The following MTBP variants were observed in gnomAD, a reference collection of about 807,000 sequenced individuals.
MTBP encodes the protein mdm2-binding protein.
In MTBP, 101 loss-of-function variants were observed where a neutral mutation model predicts 117.0. The ratio of observed to expected loss-of-function variants is 0.86; its 90% CI spans 0.73 to 1.02. The LOEUF is 1.02. Among genes scored for constraint, MTBP ranks in the 50% least tolerant of loss-of-function variants. The probability of loss-of-function intolerance (pLI) is 0.00; values close to 1 mark genes in which losing one functional copy is unlikely to be tolerated. For missense variants in MTBP, 970 were observed against 1,030.9 expected, an observed-to-expected ratio of 0.94 and a Z score of 0.81; for synonymous variants, 350 against 351.5, an observed-to-expected ratio of 1.00 and a Z score of 0.05.
chr8:120,496,619 C>A (rs1433669098), intron 13 of MTBP, among the ~76,000 whole-genome samples: 2 of 151,892 alleles, frequency 1.3e-5, no homozygotes, highest in African/African-American at 2.4e-5. Context: ...AGCTTGGAGT[C>A]CAACCTTTCA....
At chr8:120,445,904 T>C (rs1000643060) in intron 1 of MTBP, among the ~76,000 whole-genome samples, 5 of 152,218 alleles carry the variant, frequency 3.3e-5, no homozygotes, top group Non-Finnish European at 5.9e-5. Flanking sequence ...TGCTCCTGTG[T>C]TTCACATGCA....
rs1349348738 is a variant in MTBP, at chr8:120,518,710, A to G, written c.2503A>G (p.Lys835Glu). 1.9e-6 allele frequency: 3 copies of G among 1,601,914 alleles called. No homozygotes were observed. Among genetic ancestry groups the G allele is most frequent in the East Asian group, 4.5e-5 (2 of 44,732 alleles). The change falls in exon 20 of 22, where the codon AAA becomes GAA. Residue 835 changes from lysine (K) to glutamate (E), a missense_variant. Coordinates refer to ENST00000305949, the MANE Select transcript of MTBP (RefSeq NM_022045.5). ...ATGTTATGTTCTGTTCAAGATACTG[A>G]AAGAAGTAGTTACTGAAACCCTGAA... ...SRSQKHTRIL[K>E]EVVTETLKKH...
rs71306887 is a variant in MTBP at position 120,489,044 on chromosome 8, C to CTTTTTTT, written c.1339+719_1339+725dup. ...TCATGGTGTTAGGGCAGACTGACTT[C>CTTTTTTT]TTTTTTTTTTTTTGAGACAGAGTCT... On this transcript the variant is annotated intron_variant, in intron 12 of 21. Transcript: ENST00000305949. Among the ~76,000 whole-genome samples the CTTTTTTT allele has an allele frequency of 1.7e-4, 22 of 128,084 alleles. 1 individual carries two copies. In the Middle Eastern group the frequency reaches 0.014, roughly 79 times the overall value. The allele number at this position is 128,084 out of a possible 152,430, so 84.0% of individuals were successfully genotyped here.
At chr8:120,469,283 T>A (rs1813767541) in intron 10 of MTBP, among the ~76,000 whole-genome samples, 1 of 151,946 alleles carries the variant, frequency 6.6e-6, no homozygotes, top group African/African-American at 2.4e-5. Context: ...TGACCTCAGG[T>A]GATCCACTTG....
In MTBP at chr8:120,461,267, T is replaced by C; in HGVS notation, c.977+12T>C. On this transcript the variant is annotated intron_variant, in intron 9 of 21. Transcript: ENST00000305949. ...ATTGAATTTGAGTTGTATCCTTTCA[T>C]TTACATGTTCATTTTAGATTACATT... 1 of 1,518,418 alleles carries C rather than the reference T, an allele frequency of 6.6e-7. No individual in the cohort carries two copies. 94.1% of individuals were successfully genotyped at this position (1,518,418 alleles called of 1,614,324 possible). A position where few individuals can be genotyped will look rare whatever the true frequency, so the allele number is the denominator to read the frequency against.
chr8:120,516,721 G>C (rs1250736932), intron 18 of MTBP, among the ~76,000 whole-genome samples: 1 of 152,014 alleles, frequency 6.6e-6, no homozygotes, highest in Non-Finnish European at 1.5e-5. Context: ...TCAGAAGTTA[G>C]AAGTTTATGT....
In MTBP at chr8:120,461,193, T is replaced by A; in HGVS notation, c.915T>A (p.Phe305Leu). The A allele has an allele frequency of 6.2e-7, 1 of 1,605,072 alleles. No homozygotes were observed. Among genetic ancestry groups the A allele is most frequent in the Non-Finnish European group, 8.5e-7 (1 of 1,172,520 alleles). Residue 305 changes from phenylalanine to leucine, a missense_variant, in exon 9 of 22, where the codon TTT becomes TTA. Coordinates refer to ENST00000305949, the MANE Select transcript of MTBP (RefSeq NM_022045.5). ...ATTATTATGGCCCTGCTTTAGAATT[T>A]GTGCAGATGATAAAATTATCAGATC... ...VFHYYGPALE[F>L]VQMIKLSDLP... is the part of the protein sequence containing the mutation.
intron 11 of MTBP, among the ~76,000 whole-genome samples, chr8:120,478,462 C>G (rs1813996127): frequency 1.3e-5 from 2 of 151,802 alleles, no homozygotes; most frequent in African/African-American, 4.8e-5. Context: ...AATAATTTAT[C>G]CTCATGTAGC....
intron 6 of MTBP, among the ~76,000 whole-genome samples, chr8:120,455,801 G>A (rs1352488878): frequency 6.6e-6 from 1 of 151,980 alleles, no homozygotes; most frequent in Non-Finnish European, 1.5e-5. Context: ...AAATATTATT[G>A]ATGCTGTTTT....
intron 11 of MTBP, among the ~76,000 whole-genome samples, chr8:120,480,433 C>T (rs553149303): frequency 3.2e-4 from 49 of 151,782 alleles, no homozygotes; most frequent in Non-Finnish European, 6.0e-4. Flanking sequence ...AAGAAATTGA[C>T]AAACTGATCC....
At chr8:120,496,862 G>A (rs1166584372) in intron 13 of MTBP, among the ~76,000 whole-genome samples, 2 of 152,174 alleles carry the variant, frequency 1.3e-5, no homozygotes, top group African/African-American at 4.8e-5. Flanking sequence ...CCTCGGTAGT[G>A]CCTCTCTACA....
chr8:120,486,460 T>G (rs1368024756), intron 11 of MTBP, among the ~76,000 whole-genome samples: 1 of 152,134 alleles, frequency 6.6e-6, no homozygotes, highest in Non-Finnish European at 1.5e-5. Flanking sequence ...GGTGAAGACA[T>G]TTGGGTGCCT....
chr8:120,505,760 A>G (rs1428350263), intron 15 of MTBP, among the ~76,000 whole-genome samples: 1 of 152,162 alleles, frequency 6.6e-6, no homozygotes, highest in Non-Finnish European at 1.5e-5. Context: ...TGAAACCTCT[A>G]ACTGAAACCT....
chr8:120,448,871 G>A (rs1256967402), intron 2 of MTBP, among the ~76,000 whole-genome samples: 2 of 152,082 alleles, frequency 1.3e-5, no homozygotes, highest in Non-Finnish European at 2.9e-5. Context: ...TTTGAGGGAC[G>A]GAAAGTACAA....
At chr8:120,451,116 A>C in intron 3 of MTBP, 40 bp downstream of exon 3, 1 of 1,581,346 alleles carries the variant, frequency 6.3e-7, no homozygotes, top group Middle Eastern at 1.7e-4. Context: ...GAATGTCTTT[A>C]CTAATATAAA....
chr8:120,475,623 A>G (rs1174453399), intron 11 of MTBP, among the ~76,000 whole-genome samples: 2 of 152,004 alleles, frequency 1.3e-5, no homozygotes, highest in African/African-American at 4.8e-5. Flanking sequence ...AGTATGGTTT[A>G]ATTATAATAG....
At chr8:120,446,344 G>A in intron 1 of MTBP, 89 bp from the exon 2 acceptor site, 1 of 788,970 alleles carries the variant, frequency 1.3e-6, no homozygotes, top group Non-Finnish European at 2.3e-6. Context: ...ACAACCTACT[G>A]GTCTTGAGAG....
At chr8:120,513,063 C>G (rs1385788925) in intron 17 of MTBP, among the ~76,000 whole-genome samples, 1 of 151,962 alleles carries the variant, frequency 6.6e-6, no homozygotes, top group African/African-American at 2.4e-5. Flanking sequence ...CCACTGTTGG[C>G]TTGTTTGTTT....
At chr8:120,513,266 T>C (rs560123299) in intron 17 of MTBP, among the ~76,000 whole-genome samples, 1 of 152,172 alleles carries the variant, frequency 6.6e-6, no homozygotes, top group South Asian at 2.1e-4. Flanking sequence ...TTGGTATTGG[T>C]TGGTTTGTGA....
Sources: allele counts gnomAD v4.1 joint callset (sites outside exome capture counted in the v4.1 genomes callset), GRCh38; gene constraint gnomAD v4.1.1; transcripts MANE v1.5; gene names NCBI Gene and HGNC (gene_info 2026-07-23, HGNC 2026-07-21).